The following SCUBE2 variants were observed in gnomAD, a reference collection of about 807,000 sequenced individuals.
SCUBE2 encodes signal peptide, CUB domain and EGF like domain containing 2.
Under a neutral mutation model 125.9 loss-of-function variants are expected in SCUBE2, and 114 were observed. The observed-to-expected ratio is 0.91, with a 90% CI of 0.78 to 1.06. The LOEUF (loss-of-function observed/expected upper bound fraction) is 1.06, where lower values mean the gene tolerates loss of function less well. Ranked by LOEUF, SCUBE2 falls within the 50% of genes least tolerant of loss-of-function variation. SCUBE2 has a pLI of 0.00. For missense variants in SCUBE2, 1,255 were observed against 1,301.8 expected, an observed-to-expected ratio of 0.96 and a Z score of 0.55; for synonymous variants, 459 against 492.9, an observed-to-expected ratio of 0.93 and a Z score of 0.91.
At chr11:9,052,968 A>T (rs557091418) in intron 12 of SCUBE2, 131 bp downstream of exon 12, 1 of 1,028,534 alleles carries the variant, frequency 9.7e-7, no homozygotes, top group African/African-American at 1.6e-5. Context: ...CGAAGCATGG[A>T]CCTCTCAAAG....
At position 9,079,423 on chromosome 11, in the gene SCUBE2, C is replaced by G; in HGVS notation, c.343G>C (p.Asp115His). ...CCGTCATGAGCCAACATGAAGCCATCAAAACAAGTGCAACGATAATTGCCT... is the reference window on the plus strand; with the variant it reads ...CCGTCATGAGCCAACATGAAGCCATGAAAACAAGTGCAACGATAATTGCCT... The part of the protein sequence containing the change: ...IPGNYRCTCF[D>H]GFMLAHDGHN... The change falls in exon 3 of 23, where the codon GAT becomes CAT. Residue 115 changes from aspartate (D) to histidine (H), a missense_variant. Around this residue, in one of 3 missense-constraint regions of SCUBE2, gnomAD observed 362 missense variants for 323.0 expected, o/e 1.12. Transcript: ENST00000649792. 7 of 1,614,126 alleles carry G rather than the reference C, an allele frequency of 4.3e-6. No individual in the cohort carries two copies. Among genetic ancestry groups the G allele is most frequent in the Non-Finnish European group, 5.9e-6 (7 of 1,180,014 alleles).
At chr11:9,075,205 TAAAAAAAAAA>T (rs5789594) in intron 3 of SCUBE2, among the ~76,000 whole-genome samples, 2 of 123,968 alleles carry the variant, frequency 1.6e-5, no homozygotes, top group African/African-American at 6.3e-5. Context: ...AGACGCCATC[TAAAAAAAAAA>T]AAAAAAAAAA....
Position 9,091,513 on chromosome 11 carries a change from G to A in SCUBE2, c.16C>T (p.Arg6Cys). 3.2e-6 allele frequency: 3 copies of A among 945,392 alleles called. No individual in the cohort carries two copies. The highest frequency in any genetic ancestry group is 4.1e-6 in the Non-Finnish European group (3 of 727,708). 58.6% of individuals were successfully genotyped at this position (945,392 alleles called of 1,614,324 possible). The stretch of plus-strand genomic sequence containing the variant: ...GCCCAGGCCGCCCCGGGACGGTTGC[G>A]GCCCGCGACCCCCATGGATGGCTCA... MGVAG[R>C]NRPGAAWAVL... Residue 6 changes from arginine (R) to cysteine (C), a missense_variant, in exon 1 of 23, where the codon CGC (arginine) becomes TGC (cysteine). Physicochemically the swap from Arg to Cys is radical, Grantham distance 180 (BLOSUM62 -3). Transcript: ENST00000649792. This position sits in a 1 kb window ranked among gnomAD's most constrained non-coding sequence, Gnocchi z 8.5.
At chr11:9,083,751 A>G (rs1470556192) in intron 2 of SCUBE2, among the ~76,000 whole-genome samples, 1 of 151,988 alleles carries the variant, frequency 6.6e-6, no homozygotes, top group Non-Finnish European at 1.5e-5. Context: ...TATCTTGGCC[A>G]GGCTGGTCTT....
intron 2 of SCUBE2, among the ~76,000 whole-genome samples, chr11:9,086,867 A>C (rs888456645): frequency 6.6e-6 from 1 of 151,852 alleles, no homozygotes; most frequent in Non-Finnish European, 1.5e-5. Context: ...AAAAAAAAAA[A>C]AAAAAAGAGG....
intron 9 of SCUBE2, 47 bp from the exon 10 acceptor site, chr11:9,055,956 T>C (rs755317668): frequency 7.0e-7 from 1 of 1,421,840 alleles, no homozygotes; most frequent in Admixed American, 1.7e-5. Flanking sequence ...CTCTGAGGGA[T>C]GAGTGAAGAA....
At chr11:9,058,750 C>G (rs1256458053) in intron 9 of SCUBE2, among the ~76,000 whole-genome samples, 1 of 151,828 alleles carries the variant, frequency 6.6e-6, no homozygotes, top group Non-Finnish European at 1.5e-5. Flanking sequence ...GATGATGCCA[C>G]TGCACTCCAG....
In SCUBE2 at chr11:9,066,800, A is replaced by G; in HGVS notation, c.657T>C (p.His219=). The change falls in exon 6 of 23, where the codon CAT becomes CAC. Residue 219 remains histidine (H), a synonymous_variant. Coordinates refer to ENST00000649792, the MANE Select transcript of SCUBE2 (RefSeq NM_001367977.2). ...NQRDCILTCN[H]GNGGCQHSCD... is the part of the protein sequence containing the mutation. ...AGGAGTGCTGGCACCCACCGTTCCCATGGTTACAGGTCACTGACAGCAAAA... is the reference window on the plus strand; with the variant it reads ...AGGAGTGCTGGCACCCACCGTTCCCGTGGTTACAGGTCACTGACAGCAAAA... 2 of 1,614,042 alleles carry G rather than the reference A, an allele frequency of 1.2e-6. No homozygotes were observed. Among genetic ancestry groups the G allele is most frequent in the Non-Finnish European group, 1.7e-6 (2 of 1,179,906 alleles).
At chr11:9,039,892 G>T (rs1857057841) in intron 16 of SCUBE2, among the ~76,000 whole-genome samples, 2 of 152,216 alleles carry the variant, frequency 1.3e-5, no homozygotes, top group Non-Finnish European at 2.9e-5. Flanking sequence ...TGACCTATAT[G>T]ATCGTGTTTT....
At chr11:9,082,768 A>T (rs1174331988) in intron 2 of SCUBE2, among the ~76,000 whole-genome samples, 17 of 152,250 alleles carry the variant, frequency 1.1e-4, no homozygotes, top group Admixed American at 1.1e-3. Context: ...TGTCCAGAAA[A>T]GGCAAATATA....
chr11:9,067,794 A>G (rs1860391537), intron 5 of SCUBE2, among the ~76,000 whole-genome samples: 1 of 152,240 alleles, frequency 6.6e-6, no homozygotes, highest in Admixed American at 6.5e-5. Context: ...TAACAGAACA[A>G]TATTATTTGA....
At chr11:9,087,095 A>G (rs1269427502) in intron 2 of SCUBE2, among the ~76,000 whole-genome samples, 2 of 150,278 alleles carry the variant, frequency 1.3e-5, no homozygotes. Context: ...AAATAAATTT[A>G]TATATATATA....
At chr11:9,044,614 C>A (rs774781186) in intron 16 of SCUBE2, among the ~76,000 whole-genome samples, 3 of 152,158 alleles carry the variant, frequency 2.0e-5, no homozygotes, top group Non-Finnish European at 1.5e-5. Context: ...CTTTTGAAAA[C>A]ATGTCAGTTA....
At chr11:9,085,699 C>A (rs1861998679) in intron 2 of SCUBE2, among the ~76,000 whole-genome samples, 2 of 151,690 alleles carry the variant, frequency 1.3e-5, no homozygotes, top group Admixed American at 1.3e-4. Flanking sequence ...GCACTCCAGC[C>A]TGGGTGACAA....
chr11:9,024,450 T>G, intron 21 of SCUBE2: 1 of 1,262,376 alleles, frequency 7.9e-7, no homozygotes, highest in Non-Finnish European at 1.0e-6. Flanking sequence ...CTTTTGTTAC[T>G]TTTTAGGAAA....
chr11:9,039,427 G>T (rs933263547), intron 16 of SCUBE2, among the ~76,000 whole-genome samples: 9 of 152,180 alleles, frequency 5.9e-5, no homozygotes, highest in Admixed American at 5.9e-4. Context: ...GTGAGGCGAG[G>T]TGCCCCTTAC....
Position 9,074,584 on chromosome 11 carries a change from G to C in SCUBE2, c.414C>G (p.Gly138=), listed in dbSNP as rs1418215370. Residue 138 remains glycine, a synonymous_variant, in exon 4 of 23, where the codon GGC becomes GGG. Transcript: ENST00000649792. ...TGACGTTGACACAGGTATGCTGGCA[G>C]CCGCCATTGTTCTCCAGGCACTCGT... is the stretch of plus-strand genomic sequence containing the variant. The part of the protein sequence containing the change: ...DVDECLENNG[G]CQHTCVNVMG... 6.2e-7 allele frequency: 1 copy of C among 1,614,084 alleles called. No homozygotes were observed. The highest frequency in any genetic ancestry group is 8.5e-7 in the Non-Finnish European group (1 of 1,180,034).
chr11:9,020,814 G>A lies in SCUBE2; in HGVS notation c.*231C>T, dbSNP rs1013268871. The A allele has an allele frequency of 4.7e-6, 2 of 429,920 alleles. No homozygotes were observed. The highest frequency in any genetic ancestry group is 8.3e-6 in the Non-Finnish European group (2 of 241,732). 26.6% of individuals were successfully genotyped at this position (429,920 alleles called of 1,614,324 possible). ...CTATCCAAGACATCCGCCCACAGCA[G>A]TGAGAAGCTGATGCCACTCAAAGCC... is the stretch of plus-strand genomic sequence containing the variant. On this transcript the variant is annotated 3_prime_UTR_variant, in exon 23 of 23. Coordinates refer to ENST00000649792, the MANE Select transcript of SCUBE2 (RefSeq NM_001367977.2).
intron 21 of SCUBE2, 126 bp from the exon 22 acceptor site, chr11:9,022,081 A>T (rs936089743): frequency 3.0e-6 from 2 of 671,938 alleles, no homozygotes; most frequent in African/African-American, 3.6e-5. Flanking sequence ...CATTCTGCTT[A>T]CTGAGAAGAC....
Sources: allele counts gnomAD v4.1 joint callset (sites outside exome capture counted in the v4.1 genomes callset), GRCh38; gene constraint gnomAD v4.1.1; regional missense constraint gnomAD v4.1.1; non-coding constraint Gnocchi (gnomAD v3.1); transcripts MANE v1.5; gene names NCBI Gene and HGNC (gene_info 2026-07-23, HGNC 2026-07-21).